COMMD10: variants seen among roughly 807,000 people sequenced by gnomAD.
The protein encoded by COMMD10 is COMM domain-containing protein 10.
COMMD10 carries 33 observed loss-of-function variants against 28.9 expected under a neutral mutation model. The observed-to-expected ratio is 1.14, with a 90% confidence interval of 0.87 to 1.53. COMMD10 has a LOEUF of 1.53. Ranked by LOEUF, COMMD10 falls within the 40% of genes most tolerant of loss-of-function variation. The pLI is 0.00. For missense variants in COMMD10, 310 were observed against 233.4 expected (o/e 1.33, Z -2.14); for synonymous variants, 110 against 81.7 (o/e 1.35, Z -1.87).
chr5:116,087,736 G>A, intron 2 of COMMD10, 149 bp downstream of exon 2: 1 of 610,312 alleles, frequency 1.6e-6, no homozygotes, highest in South Asian at 2.1e-5. Context: ...ATGTTTCATG[G>A]TCAGAAGTTT....
intron 5 of COMMD10, among the ~76,000 whole-genome samples, chr5:116,149,205 G>T (rs7720507): frequency 2.1e-5 from 3 of 142,726 alleles, no homozygotes; most frequent in Admixed American, 1.4e-4. Flanking sequence ...TTATGGCTGC[G>T]TAGTATTCCA....
chr5:116,253,844 A>G (rs570936280), intron 5 of COMMD10, among the ~76,000 whole-genome samples: 13 of 147,102 alleles, frequency 8.8e-5, no homozygotes, highest in Middle Eastern at 3.4e-3. Context: ...CTCTTTTTCT[A>G]TTGATTGGAA....
intron 1 of COMMD10, among the ~76,000 whole-genome samples, chr5:116,086,845 C>T (rs1209114413): frequency 6.6e-6 from 1 of 152,062 alleles, no homozygotes; most frequent in Admixed American, 6.5e-5. Flanking sequence ...AGCGCTGTGG[C>T]CCGCGCATGT....
At chr5:116,198,567 G>C (rs73257279) in intron 5 of COMMD10, among the ~76,000 whole-genome samples, 13,896 of 152,068 alleles carry the variant, frequency 0.091, 1,265 homozygotes, top group African/African-American at 0.24. Flanking sequence ...CACTTTTGGT[G>C]TCATACATTT....
intron 4 of COMMD10, among the ~76,000 whole-genome samples, chr5:116,124,535 T>C (rs1405750539): frequency 6.6e-6 from 1 of 152,178 alleles, no homozygotes; most frequent in Non-Finnish European, 1.5e-5. Flanking sequence ...CTGAGAAGAA[T>C]GTATATTCTG....
intron 5 of COMMD10, among the ~76,000 whole-genome samples, chr5:116,210,963 A>G (rs1475190891): frequency 6.6e-6 from 1 of 152,112 alleles, no homozygotes; most frequent in Non-Finnish European, 1.5e-5. Context: ...TTTACATTGA[A>G]GAAGGTGACT....
chr5:116,269,443 A>G (rs183937974), intron 5 of COMMD10, among the ~76,000 whole-genome samples: 7 of 151,864 alleles, frequency 4.6e-5, no homozygotes, highest in African/African-American at 1.2e-4. Context: ...ATTTTACTTT[A>G]TAGGTTATAT....
chr5:116,205,453 A>G (rs1748787010), intron 5 of COMMD10, among the ~76,000 whole-genome samples: 1 of 152,222 alleles, frequency 6.6e-6, no homozygotes. Context: ...AAAAGATTCC[A>G]GTAATCTGTT....
chr5:116,184,007 A>C (rs1748058922), intron 5 of COMMD10, among the ~76,000 whole-genome samples: 3 of 152,140 alleles, frequency 2.0e-5, no homozygotes, highest in African/African-American at 7.2e-5. Flanking sequence ...TCATCCGTTA[A>C]GGGTTAATAA....
At chr5:116,095,644 T>A (rs899166556) in intron 4 of COMMD10, among the ~76,000 whole-genome samples, 2 of 152,128 alleles carry the variant, frequency 1.3e-5, no homozygotes, top group Admixed American at 1.3e-4. Context: ...AAATCTGTTG[T>A]ATTTTTTTTT....
chr5:116,225,353 G>GTTTTT lies in COMMD10; in HGVS notation c.511-66164_511-66163insTTTTT, dbSNP rs143964154. On this transcript the variant is annotated intron_variant, in intron 5 of 6. Coordinates refer to ENST00000274458, the MANE Select transcript of COMMD10 (RefSeq NM_016144.4). ...AGACTTTCCTGTTTGTTTTTTTGGGGATTTTTTTTTTTTTTTTTGCATATG... is the reference window on the plus strand; with the variant it reads ...AGACTTTCCTGTTTGTTTTTTTGGGGTTTTTATTTTTTTTTTTTTTTTTGCATATG... Among the ~76,000 whole-genome samples, 41 of 116,490 alleles carry GTTTTT rather than the reference G, an allele frequency of 3.5e-4. 3 individuals carry two copies. Among genetic ancestry groups the GTTTTT allele is most frequent in the Admixed American group, 2.4e-3 (26 of 10,912 alleles). The allele number at this position is 116,490 out of a possible 152,430, so 76.4% of individuals were successfully genotyped here. A position where few individuals can be genotyped will look rare whatever the true frequency, so the allele number is the denominator to read the frequency against.
At chr5:116,214,302 ACT>A (rs145539446) in intron 5 of COMMD10, among the ~76,000 whole-genome samples, 17,851 of 152,090 alleles carry the variant, frequency 0.12, 1,576 homozygotes, top group African/African-American at 0.24. Context: ...TACAGTATCC[ACT>A]CTCATGAAAT....
intron 2 of COMMD10, among the ~76,000 whole-genome samples, chr5:116,090,485 C>G (rs1028068031): frequency 3.3e-5 from 5 of 152,138 alleles, no homozygotes; most frequent in Admixed American, 1.3e-4. Flanking sequence ...TGTCACAACT[C>G]ATGCAATAAA....
intron 4 of COMMD10, among the ~76,000 whole-genome samples, chr5:116,096,339 T>C (rs1750467661): frequency 6.6e-6 from 1 of 151,882 alleles, no homozygotes; most frequent in African/African-American, 2.4e-5. Flanking sequence ...TTCTTTCTTT[T>C]TTTTTTTGTT....
intron 5 of COMMD10, among the ~76,000 whole-genome samples, chr5:116,240,187 G>T (rs141401693): frequency 2.0e-5 from 3 of 152,074 alleles, no homozygotes; most frequent in East Asian, 3.9e-4. Flanking sequence ...GAACATAAGT[G>T]TAGACAGGTA....
intron 5 of COMMD10, among the ~76,000 whole-genome samples, chr5:116,146,834 G>T (rs921069542): frequency 1.3e-5 from 2 of 151,742 alleles, no homozygotes; most frequent in Non-Finnish European, 2.9e-5. Context: ...TGTTTTGATG[G>T]TATTGGGAGA....
chr5:116,231,349 A>T (rs1428078832), intron 5 of COMMD10, among the ~76,000 whole-genome samples: 1 of 152,164 alleles, frequency 6.6e-6, no homozygotes, highest in Non-Finnish European at 1.5e-5. Flanking sequence ...TCTATTTATA[A>T]AAGTATGCAA....
chr5:116,287,351 G>GT (rs1751245117), intron 5 of COMMD10, among the ~76,000 whole-genome samples: 1 of 151,546 alleles, frequency 6.6e-6, no homozygotes, highest in Non-Finnish European at 1.5e-5. Flanking sequence ...TCTTGTAATG[G>GT]TTTTTTATTT....
chr5:116,169,863 C>G (rs181277511), intron 5 of COMMD10, among the ~76,000 whole-genome samples: 7 of 152,246 alleles, frequency 4.6e-5, no homozygotes, highest in Admixed American at 2.6e-4. Context: ...CTATTTATGA[C>G]ATACCCACAG....
Sources: gnomAD v4.1 joint callset for allele counts (sites outside exome capture counted in the v4.1 genomes callset) on GRCh38, gnomAD v4.1.1 for gene constraint, MANE v1.5 for transcripts, NCBI Gene and HGNC (gene_info 2026-07-23, HGNC 2026-07-21) for gene names.